STARD13: variants seen among roughly 807,000 people sequenced by gnomAD.
STARD13 encodes the protein stAR-related lipid transfer protein 13.
A neutral mutation model predicts 106.4 loss-of-function variants in STARD13; 62 were observed. The ratio of observed to expected loss-of-function variants is 0.58; its 90% CI spans 0.48 to 0.72. The LOEUF (loss-of-function observed/expected upper bound fraction) is 0.72, where lower values mean the gene tolerates loss of function less well. Ranked by LOEUF, STARD13 falls within the 30% of genes least tolerant of loss-of-function variation. The pLI is 0.00. For missense variants in STARD13, 1,387 were observed against 1,424.0 expected (o/e 0.97, Z 0.42); for synonymous variants, 565 against 553.0 (o/e 1.02, Z -0.31).
At chr13:33,351,975 G>T (rs1485694106), upstream of STARD13, among the ~76,000 whole-genome samples, 43 of 152,174 alleles carry the variant, frequency 2.8e-4, 1 homozygote, top group Admixed American at 2.7e-3. Context: ...ATGATGGTAA[G>T]AAATAGTCTT....
At chr13:33,317,260 C>T (rs1893376612) in intron 1 of STARD13, among the ~76,000 whole-genome samples, 1 of 152,130 alleles carries the variant, frequency 6.6e-6, no homozygotes, top group Admixed American at 6.5e-5. Context: ...ACTCTGTGCC[C>T]ATCCAACCCA....
At chr13:33,546,603 C>G in the STARD13 span, among the ~76,000 whole-genome samples, 2 of 151,938 alleles carry the variant, frequency 1.3e-5, no homozygotes, top group East Asian at 3.9e-4. Context: ...AATGACCATG[C>G]TCCCTTGTGA....
the STARD13 span, among the ~76,000 whole-genome samples, chr13:33,553,726 C>G: frequency 6.6e-6 from 1 of 151,418 alleles, no homozygotes; most frequent in African/African-American, 2.4e-5. Flanking sequence ...ACTACAGGCA[C>G]CCACCACCAC....
At chr13:33,518,112 T>G in the STARD13 span, among the ~76,000 whole-genome samples, 13 of 152,232 alleles carry the variant, frequency 8.5e-5, no homozygotes, top group Admixed American at 5.9e-4. Context: ...CAGAAACAAC[T>G]TCCAGGAGCA....
chr13:33,446,036 T>C, the STARD13 span, among the ~76,000 whole-genome samples: 1 of 152,034 alleles, frequency 6.6e-6, no homozygotes, highest in Non-Finnish European at 1.5e-5. Context: ...AAGTATAGGG[T>C]TTAAAAAAAG....
Position 33,144,531 on chromosome 13 carries a change from C to T in STARD13, c.324-2158G>A, listed in dbSNP as rs76848121. Among the ~76,000 whole-genome samples, 4 of 152,228 alleles carry T rather than the reference C, an allele frequency of 2.6e-5. No individual in the cohort carries two copies. In the East Asian group the frequency reaches 5.8e-4, roughly 22 times the overall value. ...CTCACGTCGCTCACCGACTGAAATA[C>T]GTTTAATGACTCTCCTCATTTTCAA... On this transcript the variant is annotated intron_variant, in intron 3 of 13. Coordinates refer to ENST00000336934, the MANE Select transcript of STARD13 (RefSeq NM_178006.4).
At chr13:33,157,061 TTTAA>T (rs1263721871) in intron 3 of STARD13, among the ~76,000 whole-genome samples, 3 of 152,160 alleles carry the variant, frequency 2.0e-5, no homozygotes, top group African/African-American at 4.8e-5. Flanking sequence ...TCATAAAGAC[TTTAA>T]TTATTTAATA....
intron 1 of STARD13, among the ~76,000 whole-genome samples, chr13:33,303,945 C>T (rs1001619534): frequency 6.6e-6 from 1 of 152,204 alleles, no homozygotes; most frequent in South Asian, 2.1e-4. Context: ...TGTGACATCA[C>T]CAGGAGCTTC....
chr13:33,482,857 A>G, the STARD13 span, among the ~76,000 whole-genome samples: 1 of 152,184 alleles, frequency 6.6e-6, no homozygotes, highest in South Asian at 2.1e-4. Context: ...TTCAGGAAAA[A>G]TCCTCAGATT....
intron 3 of STARD13, among the ~76,000 whole-genome samples, chr13:33,149,710 A>C (rs552446106): frequency 1.4e-4 from 22 of 152,362 alleles, no homozygotes; most frequent in Admixed American, 1.2e-3. Context: ...AACAATGGCT[A>C]GATTCTGTAA....
At position 33,130,065 on chromosome 13, in the gene STARD13, T is replaced by C; in HGVS notation, c.612A>G (p.Gly204=). The stretch of plus-strand genomic sequence containing the variant: ...CCGGCTGGCTGCGACTGTCGCTGCC[T>C]CCACTGCTTTCGCTGTGAATGGAGC... ...EVCSIHSESS[G]GSDSRSQPGQ... The change falls in exon 5 of 14, where the codon GGA becomes GGG. Residue 204 remains glycine (G), a synonymous_variant. Transcript: ENST00000336934. This position sits in a 1 kb window ranked among gnomAD's most constrained non-coding sequence, Gnocchi z 4.1. The C allele has an allele frequency of 7.4e-6, 12 of 1,613,948 alleles. No homozygotes were observed. Among genetic ancestry groups the C allele is most frequent in the South Asian group, 1.1e-5 (1 of 91,066 alleles).
At position 33,126,068 on chromosome 13, in the gene STARD13, G is replaced by A; in HGVS notation, c.2082+13C>T. On this transcript the variant is annotated intron_variant, in intron 7 of 13. Transcript: ENST00000336934. ...GGGGTGGTGGGGCAGCAGCGGGGGG[G>A]TTACAGCCCTACCTGATCGAGGCAG... The A allele has an allele frequency of 6.8e-6, 11 of 1,612,916 alleles. No individual in the cohort carries two copies. The highest frequency in any genetic ancestry group is 9.3e-6 in the Non-Finnish European group (11 of 1,179,608).
intron 3 of STARD13, among the ~76,000 whole-genome samples, chr13:33,159,604 C>T (rs961309160): frequency 6.6e-6 from 1 of 152,136 alleles, no homozygotes; most frequent in Non-Finnish European, 1.5e-5. Context: ...ACATTTTAGA[C>T]TTAAAATCTT....
the STARD13 span, among the ~76,000 whole-genome samples, chr13:33,466,926 T>C: frequency 2.0e-5 from 3 of 152,114 alleles, no homozygotes; most frequent in African/African-American, 7.2e-5. Flanking sequence ...AACACATACT[T>C]GGCATTCTTC....
chr13:33,674,407 T>A, the STARD13 span, among the ~76,000 whole-genome samples: 1 of 152,218 alleles, frequency 6.6e-6, no homozygotes, highest in Non-Finnish European at 1.5e-5. Flanking sequence ...AGAAAACTAT[T>A]AGCTCTACAG....
At chr13:33,605,612 C>T in the STARD13 span, among the ~76,000 whole-genome samples, 1 of 152,136 alleles carries the variant, frequency 6.6e-6, no homozygotes. Context: ...AAATAATTTG[C>T]TGATCAGTCA....
the STARD13 span, among the ~76,000 whole-genome samples, chr13:33,638,387 C>G: frequency 6.6e-6 from 1 of 152,154 alleles, no homozygotes; most frequent in African/African-American, 2.4e-5. Context: ...AAGATATACA[C>G]TGGTTCCTTC....
At chr13:33,262,645 C>A (rs1268703584) in intron 1 of STARD13, among the ~76,000 whole-genome samples, 2 of 88,610 alleles carry the variant, frequency 2.3e-5, no homozygotes, top group East Asian at 2.2e-4. Context: ...AGAACCCCCC[C>A]CCCCACACAC....
At chr13:33,400,743 G>T in the STARD13 span, among the ~76,000 whole-genome samples, 1 of 152,172 alleles carries the variant, frequency 6.6e-6, no homozygotes, top group Non-Finnish European at 1.5e-5. Flanking sequence ...GATTACAGGC[G>T]TGAACCACCG....
Sources: allele counts gnomAD v4.1 joint callset (sites outside exome capture counted in the v4.1 genomes callset), GRCh38; gene constraint gnomAD v4.1.1; non-coding constraint Gnocchi (gnomAD v3.1); transcripts MANE v1.5; gene names NCBI Gene and HGNC (gene_info 2026-07-23, HGNC 2026-07-21).